Variants in ZNF763 observed in about 807,000 individuals in gnomAD.
ZNF763 encodes zinc finger protein 763.
ZNF763 carries 33 observed loss-of-function variants against 38.0 expected under a neutral mutation model. That is an observed-to-expected ratio of 0.87 (90% CI 0.66 to 1.16). The LOEUF (loss-of-function observed/expected upper bound fraction) is 1.16, where lower values mean the gene tolerates loss of function less well. Ranked by LOEUF, ZNF763 falls within the 50% of genes most tolerant of loss-of-function variation. ZNF763 has a pLI of 0.00. For synonymous variants in ZNF763, 155 were observed against 160.1 expected (o/e 0.97, Z 0.24); for missense variants, 423 against 469.1 (o/e 0.90, Z 0.91).
At position 11,978,611 on chromosome 19, in the gene ZNF763, A is replaced by G. The variant is rs1160353920; in HGVS notation, c.687A>G (p.Glu229=). ...CTCACACTGGAGAGAAACCGTATGAATGTAAACAATGTGTTAAATCCTTTA... is the reference window on the plus strand; with the variant it reads ...CTCACACTGGAGAGAAACCGTATGAGTGTAAACAATGTGTTAAATCCTTTA... ...ERTHTGEKPY[E]CKQCVKSFSY... Residue 229 remains glutamate, a synonymous_variant, in exon 4 of 4, where the codon GAA becomes GAG. Coordinates refer to ENST00000358987, the MANE Select transcript of ZNF763 (RefSeq NM_001367172.2). 3.7e-6 allele frequency: 6 copies of G among 1,614,162 alleles called. No individual in the cohort carries two copies. Among genetic ancestry groups the G allele is most frequent in the Non-Finnish European group, 3.4e-6 (4 of 1,180,016 alleles).
chr19:11,976,730 G>A (rs968998686), intron 1 of ZNF763: 3 of 385,154 alleles, frequency 7.8e-6, no homozygotes, highest in African/African-American at 6.6e-5. Context: ...GCCGGGTGTG[G>A]TGGCGCATGC....
At position 11,965,041 on chromosome 19, in the gene ZNF763, T is replaced by C; in HGVS notation, c.-168T>C. ...CCAGGCACAGAGTGGGTCGCATTCC[T>C]GTCCTCACCTTTGTCCTTGCGCAGC... On this transcript the variant is annotated 5_prime_UTR_variant, in exon 1 of 4. Transcript: ENST00000358987. 1 of 760,540 alleles carries C rather than the reference T, an allele frequency of 1.3e-6. No homozygotes were observed. Among genetic ancestry groups the C allele is most frequent in the Non-Finnish European group, 2.2e-6 (1 of 458,002 alleles). 47.1% of individuals were successfully genotyped at this position (760,540 alleles called of 1,614,324 possible).
chr19:11,967,936 C>G (rs1973271160), intron 1 of ZNF763, among the ~76,000 whole-genome samples: 1 of 152,178 alleles, frequency 6.6e-6, no homozygotes, highest in African/African-American at 2.4e-5. Context: ...TTTTAGCACA[C>G]AAGTGCATTA....
At chr19:11,968,517 T>C (rs1156619959) in intron 1 of ZNF763, among the ~76,000 whole-genome samples, 1 of 152,194 alleles carries the variant, frequency 6.6e-6, no homozygotes, top group African/African-American at 2.4e-5. Context: ...GCTGGGATTA[T>C]AGACATGAGC....
intron 1 of ZNF763, among the ~76,000 whole-genome samples, chr19:11,974,069 TTTTC>T (rs199661683): frequency 0.059 from 6,732 of 114,392 alleles, 331 homozygotes; most frequent in East Asian, 0.075. Flanking sequence ...TCCTTCTTTC[TTTTC>T]TTTCTTTCTT....
chr19:11,965,135 C>CT lies in ZNF763; in HGVS notation c.-73dup, dbSNP rs1973196776. 6 of 1,606,450 alleles carry CT rather than the reference C, an allele frequency of 3.7e-6. No individual in the cohort carries two copies. In the East Asian group the frequency reaches 1.3e-4, roughly 36 times the overall value. On this transcript the variant is annotated 5_prime_UTR_variant, in exon 1 of 4. Transcript: ENST00000358987. ...TACCTCTACCCAGGTTTCTATCGCT[C>CT]TGTCTCCTGCGCTGTGCCCTTCTGT...
intron 2 of ZNF763, 54 bp from the exon 3 acceptor site, chr19:11,977,317 T>C (rs1973516225): frequency 6.2e-7 from 1 of 1,606,234 alleles, no homozygotes; most frequent in Admixed American, 1.7e-5. Flanking sequence ...AATCTAATAA[T>C]TTTTTCACAG....
chr19:11,972,101 C>T (rs1239367845), intron 1 of ZNF763, among the ~76,000 whole-genome samples: 1 of 151,642 alleles, frequency 6.6e-6, no homozygotes, highest in Admixed American at 6.6e-5. Flanking sequence ...TTAGTCCAGC[C>T]TGGGTAACGT....
intron 1 of ZNF763, among the ~76,000 whole-genome samples, chr19:11,970,845 C>G (rs924904228): frequency 6.6e-6 from 1 of 152,108 alleles, no homozygotes; most frequent in African/African-American, 2.4e-5. Context: ...GCAGGAGAAT[C>G]GCTTGAACCT....
chr19:11,968,410 T>TC (rs1973282415), intron 1 of ZNF763, among the ~76,000 whole-genome samples: 1 of 152,130 alleles, frequency 6.6e-6, no homozygotes, highest in East Asian at 1.9e-4. Flanking sequence ...ACCTGGCTAA[T>TC]TTTTTGTATT....
At chr19:11,970,490 G>T (rs1305678613) in intron 1 of ZNF763, among the ~76,000 whole-genome samples, 1 of 152,172 alleles carries the variant, frequency 6.6e-6, no homozygotes, top group Non-Finnish European at 1.5e-5. Flanking sequence ...ACTGTAACAG[G>T]TAACTCTAGA....
chr19:11,966,876 C>G (rs1973242043), intron 1 of ZNF763, among the ~76,000 whole-genome samples: 1 of 152,112 alleles, frequency 6.6e-6, no homozygotes, highest in Admixed American at 6.6e-5. Flanking sequence ...ACAGGAAAAA[C>G]ACAGACTCTA....
At chr19:11,967,683 G>A (rs1001601021) in intron 1 of ZNF763, among the ~76,000 whole-genome samples, 2 of 152,022 alleles carry the variant, frequency 1.3e-5, no homozygotes, top group East Asian at 1.9e-4. Flanking sequence ...GATTACAGGC[G>A]TGAGCCACCA....
Position 11,979,596 on chromosome 19 carries a change from A to G in ZNF763, c.*487A>G. 2.5e-6 allele frequency: 4 copies of G among 1,605,364 alleles called. No individual in the cohort carries two copies. Among genetic ancestry groups the G allele is most frequent in the Non-Finnish European group, 3.4e-6 (4 of 1,173,728 alleles). ...AGTAGTTCCAGTTCCTTTTGGTACC[A>G]TGAAAGGACTCACACTGGAGAGAAA... On this transcript the variant is annotated 3_prime_UTR_variant, in exon 4 of 4. Transcript: ENST00000358987.
At chr19:11,977,793 G>A (rs1973527862) in intron 3 of ZNF763, among the ~76,000 whole-genome samples, 1 of 152,182 alleles carries the variant, frequency 6.6e-6, no homozygotes, top group South Asian at 2.1e-4. Flanking sequence ...AGGAGTTAAA[G>A]GCTGTGGTAA....
At chr19:11,974,611 G>GC (rs1387979999) in intron 1 of ZNF763, among the ~76,000 whole-genome samples, 6 of 147,200 alleles carry the variant, frequency 4.1e-5, no homozygotes, top group Non-Finnish European at 6.0e-5. Context: ...CTTTTTTTGG[G>GC]CGGGGGGGTG....
chr19:11,978,274 G>T lies in ZNF763; in HGVS notation c.350G>T (p.Gly117Val). ...DNFVCGEVGIGNSSFNMNIRG... is the reference protein window; with the variant it reads ...DNFVCGEVGIVNSSFNMNIRG... ...TTTGTATGTGGAGAAGTTGGCATAG[G>T]TAACTCATCTTTTAATATGAACATC... The change falls in exon 4 of 4, where the codon GGT becomes GTT. Residue 117 changes from glycine to valine, a missense_variant. Physicochemically the swap from Gly to Val is moderately radical, Grantham distance 109. Coordinates refer to ENST00000358987, the MANE Select transcript of ZNF763 (RefSeq NM_001367172.2). The T allele has an allele frequency of 6.2e-7, 1 of 1,614,056 alleles. No individual in the cohort carries two copies. Among genetic ancestry groups the T allele is most frequent in the Non-Finnish European group, 8.5e-7 (1 of 1,180,000 alleles).
chr19:11,970,107 G>A (rs529202070), intron 1 of ZNF763, among the ~76,000 whole-genome samples: 1 of 152,310 alleles, frequency 6.6e-6, no homozygotes, highest in South Asian at 2.1e-4. Flanking sequence ...AATTCTTGGG[G>A]TGCTCAGCTT....
At chr19:11,977,983 A>G in intron 3 of ZNF763, 133 bp from the exon 4 acceptor site, 1 of 1,121,058 alleles carries the variant, frequency 8.9e-7, no homozygotes. Flanking sequence ...CATGTTGTCC[A>G]TTTACCTTCA....
Sources: allele counts gnomAD v4.1 joint callset (sites outside exome capture counted in the v4.1 genomes callset), GRCh38; gene constraint gnomAD v4.1.1; transcripts MANE v1.5; gene names NCBI Gene and HGNC (gene_info 2026-07-23, HGNC 2026-07-21).